The following SETD5 variants were observed in gnomAD, a reference collection of about 807,000 sequenced individuals.
The protein encoded by SETD5 is histone-lysine N-methyltransferase SETD5.
In SETD5, 44 loss-of-function variants were observed where a neutral mutation model predicts 153.3. That is an observed-to-expected ratio of 0.29 (90% CI 0.23 to 0.37). The LOEUF is 0.37. Ranked by LOEUF, SETD5 falls within the 10% of genes least tolerant of loss-of-function variation. SETD5 has a pLI of 1.00. For missense variants in SETD5, 1,544 were observed against 1,768.0 expected (o/e 0.87, Z 2.27); for synonymous variants, 716 against 645.2 (o/e 1.11, Z -1.66).
chr3:9,441,220 C>CAG (rs912413533), intron 8 of SETD5, among the ~76,000 whole-genome samples: 2 of 151,960 alleles, frequency 1.3e-5, no homozygotes, highest in African/African-American at 4.8e-5. Flanking sequence ...ATTTAAAAAA[C>CAG]AGAGAGAGAG....
At chr3:9,406,947 C>A (rs1417776073) in intron 1 of SETD5, among the ~76,000 whole-genome samples, 1 of 152,180 alleles carries the variant, frequency 6.6e-6, no homozygotes, top group East Asian at 1.9e-4. Context: ...TTATTGGTGG[C>A]ATATTATGTA....
chr3:9,471,024 C>G, intron 19 of SETD5, 95 bp downstream of exon 19: 1 of 664,014 alleles, frequency 1.5e-6, no homozygotes, highest in Admixed American at 2.9e-5. Context: ...TTCCGCACTA[C>G]TCTCAGACAA....
chr3:9,426,080 C>T (rs1257082203), intron 2 of SETD5: 2 of 152,034 alleles, frequency 1.3e-5, no homozygotes, highest in Non-Finnish European at 2.9e-5. Context: ...CTTGTTTTAT[C>T]ATTTACAGAT....
At chr3:9,423,466 G>A (rs1408315543) in intron 1 of SETD5, among the ~76,000 whole-genome samples, 1 of 152,150 alleles carries the variant, frequency 6.6e-6, no homozygotes, top group East Asian at 1.9e-4. Flanking sequence ...AAACTGTGAT[G>A]CATTCATTTA....
rs571635206 is a variant in SETD5 at position 9,425,050 on chromosome 3, T to C, written c.-117+524T>C. ...AATAGAAATTTATAGTTACCGACAA[T>C]GTTTCTTTTTTTTTTTTTTTTTTTT... On this transcript the variant is annotated intron_variant, in intron 2 of 22. Coordinates refer to ENST00000402198, the MANE Select transcript of SETD5 (RefSeq NM_001080517.3). Among the ~76,000 whole-genome samples the C allele has an allele frequency of 2.3e-4, 33 of 142,768 alleles. No individual in the cohort carries two copies. The East Asian group carries it at 4.6e-3, about 20-fold the overall frequency. 93.7% of individuals were successfully genotyped at this position (142,768 alleles called of 152,430 possible).
chr3:9,456,112 A>G (rs1017163927), intron 17 of SETD5, among the ~76,000 whole-genome samples: 3 of 152,148 alleles, frequency 2.0e-5, no homozygotes, highest in Non-Finnish European at 4.4e-5. Flanking sequence ...GGATTTCTAT[A>G]ATAGAAAAAA....
chr3:9,477,679 ATTTTTTTT>A lies in SETD5; in HGVS notation c.*1603_*1610del, dbSNP rs58994037. The A allele has an allele frequency of 7.9e-6, 1 of 125,838 alleles. No individual in the cohort carries two copies. Among genetic ancestry groups the A allele is most frequent in the African/African-American group, 2.9e-5 (1 of 34,350 alleles). The allele number at this position is 125,838 out of a possible 1,614,324, so 7.8% of individuals were successfully genotyped here. ...CAGGTGTTTGCTCAAATGAGGGGAG[ATTTTTTTT>A]TTTTTTTTTTTTTTAAATGCTGAGA... On this transcript the variant is annotated 3_prime_UTR_variant, in exon 23 of 23. Coordinates refer to ENST00000402198, the MANE Select transcript of SETD5 (RefSeq NM_001080517.3).
At chr3:9,471,311 G>A (rs900660494) in intron 19 of SETD5, among the ~76,000 whole-genome samples, 2 of 152,196 alleles carry the variant, frequency 1.3e-5, no homozygotes, top group African/African-American at 4.8e-5. Context: ...AAGGCAAGTT[G>A]AGTAACTTTC....
chr3:9,473,878 C>T (rs2125611999), intron 20 of SETD5, among the ~76,000 whole-genome samples: 1 of 152,332 alleles, frequency 6.6e-6, no homozygotes. Context: ...CCAAGTTCCA[C>T]ATGAATTAAC....
intron 1 of SETD5, chr3:9,398,391 T>G (rs2125373763): frequency 6.7e-6 from 1 of 149,500 alleles, no homozygotes; most frequent in African/African-American, 2.5e-5. Flanking sequence ...CCTACCCCCG[T>G]TCTCGCGGCC....
intron 1 of SETD5, among the ~76,000 whole-genome samples, chr3:9,406,998 T>C (rs1426731330): frequency 6.6e-6 from 1 of 152,210 alleles, no homozygotes; most frequent in Admixed American, 6.5e-5. Flanking sequence ...TCCAAAAATA[T>C]GAAAATTATG....
chr3:9,458,271 G>C (rs976490179), intron 17 of SETD5, among the ~76,000 whole-genome samples: 2 of 152,034 alleles, frequency 1.3e-5, no homozygotes, highest in Admixed American at 1.3e-4. Flanking sequence ...AGAACTACTA[G>C]GTCCTTTGCC....
Position 9,448,370 on chromosome 3 carries a change from A to G in SETD5, c.2104-18A>G, listed in dbSNP as rs765744403. 2.5e-6 allele frequency: 4 copies of G among 1,611,704 alleles called. No homozygotes were observed. Among genetic ancestry groups the G allele is most frequent in the African/African-American group, 2.7e-5 (2 of 74,818 alleles). ...CTACCTCTTGATTTATAAACTAATG[A>G]TCTCTTTTTTACCTTAGTATCTAGT... On this transcript the variant is annotated intron_variant, in intron 15 of 22. Transcript: ENST00000402198.
rs1444592088 is a variant in SETD5, at chr3:9,447,051, C to T, written c.1526C>T (p.Thr509Ile). 1 of 1,608,142 alleles carries T rather than the reference C, an allele frequency of 6.2e-7. No individual in the cohort carries two copies. Among genetic ancestry groups the T allele is most frequent in the East Asian group, 2.2e-5 (1 of 44,850 alleles). The change falls in exon 14 of 23, where the codon ACC becomes ATC. Residue 509 changes from threonine to isoleucine, a missense_variant and splice_region_variant. Around this residue, in one of 9 missense-constraint regions of SETD5, gnomAD observed 782 missense variants for 787.2 expected, o/e 0.99. Coordinates refer to ENST00000402198, the MANE Select transcript of SETD5 (RefSeq NM_001080517.3). Reference protein sequence around the residue: ...DQENLAHSRRTREDRKVEAIM... With the variant: ...DQENLAHSRRIREDRKVEAIM... ...TACACCAGTACTATCTCTTTCTAGA[C>T]CAGGGAAGATAGAAAGGTAGAAGCC... is the stretch of plus-strand genomic sequence containing the variant.
rs1241922885 is a variant in SETD5 at position 9,397,662 on chromosome 3, C to T, written c.-492C>T. 4 of 178,250 alleles carry T rather than the reference C, an allele frequency of 2.2e-5. No individual in the cohort carries two copies. Among genetic ancestry groups the T allele is most frequent in the East Asian group, 1.7e-4 (1 of 5,972 alleles). 11.0% of individuals were successfully genotyped at this position (178,250 alleles called of 1,614,324 possible). ...CGGGCTGAGTGAGCTGCCGCCGCCGCCGCCGCCGCCGCCGCCGCCGCCGCT... is the reference window on the plus strand; with the variant it reads ...CGGGCTGAGTGAGCTGCCGCCGCCGTCGCCGCCGCCGCCGCCGCCGCCGCT... On this transcript the variant is annotated 5_prime_UTR_variant, in exon 1 of 23. Coordinates refer to ENST00000402198, the MANE Select transcript of SETD5 (RefSeq NM_001080517.3).
intron 18 of SETD5, 60 bp from the exon 19 acceptor site, chr3:9,470,399 G>A: frequency 7.7e-7 from 1 of 1,304,082 alleles, no homozygotes; most frequent in African/African-American, 1.5e-5. Context: ...CCTCCTTTCT[G>A]CCCTTTGACT....
intron 1 of SETD5, among the ~76,000 whole-genome samples, chr3:9,417,879 G>T (rs1299597497): frequency 6.7e-6 from 1 of 150,322 alleles, no homozygotes; most frequent in Non-Finnish European, 1.5e-5. Flanking sequence ...CTTTCCAAAG[G>T]TGATTAAAAA....
chr3:9,470,341 T>A, intron 18 of SETD5, 118 bp from the exon 19 acceptor site: 1 of 756,014 alleles, frequency 1.3e-6, no homozygotes, highest in Non-Finnish European at 2.3e-6. Context: ...CTTTATCTGC[T>A]CTACTTCCGT....
intron 1 of SETD5, among the ~76,000 whole-genome samples, chr3:9,403,517 T>G (rs950532630): frequency 1.3e-5 from 2 of 152,240 alleles, no homozygotes; most frequent in African/African-American, 4.8e-5. Flanking sequence ...TTTTATTTCA[T>G]TAAGATAGGT....
Sources: allele counts gnomAD v4.1 joint callset (sites outside exome capture counted in the v4.1 genomes callset), GRCh38; gene constraint gnomAD v4.1.1; regional missense constraint gnomAD v4.1.1; transcripts MANE v1.5; gene names NCBI Gene and HGNC (gene_info 2026-07-23, HGNC 2026-07-21).